FRMPD4: variants seen among roughly 807,000 people sequenced by gnomAD.
FRMPD4 encodes FERM and PDZ domain-containing protein 4.
Under a neutral mutation model 94.1 loss-of-function variants are expected in FRMPD4, and 22 were observed. That is an observed-to-expected ratio of 0.23 (90% confidence interval 0.17 to 0.33). The LOEUF (loss-of-function observed/expected upper bound fraction) is 0.33. FRMPD4 is among the 10% of genes least tolerant of loss of function. The pLI is 1.00. For missense variants in FRMPD4, 1,111 were observed against 1,339.9 expected (o/e 0.83, Z 2.67); for synonymous variants, 631 against 548.6 (o/e 1.15, Z -2.10).
intron 1 of FRMPD4, among the ~76,000 whole-genome samples, chrX:12,145,922 A>G (rs1209851521): frequency 8.9e-6 from 1 of 111,897 alleles, no homozygotes; most frequent in Non-Finnish European, 1.9e-5. Context: ...AGCACTTACA[A>G]TACCACTTGT....
At chrX:12,711,682 G>A (rs1005231290) in intron 14 of FRMPD4, among the ~76,000 whole-genome samples, 3 of 110,368 alleles carry the variant, frequency 2.7e-5, no homozygotes, top group African/African-American at 9.9e-5. Flanking sequence ...TCCATAATTG[G>A]GGTTTCTTTT....
At chrX:12,605,341 G>T (rs1206439378) in intron 2 of FRMPD4, among the ~76,000 whole-genome samples, 2 of 112,000 alleles carry the variant, frequency 1.8e-5, no homozygotes, top group Non-Finnish European at 3.8e-5. Context: ...GCAGGAAAAT[G>T]GTTCCAGAGT....
intron 1 of FRMPD4, among the ~76,000 whole-genome samples, chrX:12,384,805 A>G (rs2056375376): frequency 8.9e-6 from 1 of 112,427 alleles, no homozygotes; most frequent in African/African-American, 3.2e-5. Flanking sequence ...TTGCCAGAGG[A>G]CATCCCAGAG....
At chrX:12,715,247 TA>T (rs2042057493) in intron 14 of FRMPD4, among the ~76,000 whole-genome samples, 1 of 112,283 alleles carries the variant, frequency 8.9e-6, no homozygotes, top group African/African-American at 3.2e-5. Flanking sequence ...AAAATAATAG[TA>T]TTTAAATTGG....
intron 1 of FRMPD4, among the ~76,000 whole-genome samples, chrX:12,175,660 C>G (rs2056285153): frequency 8.9e-6 from 1 of 111,876 alleles, no homozygotes; most frequent in African/African-American, 3.3e-5. Flanking sequence ...ATTATAGGCG[C>G]CTGCCATCAT....
chrX:12,372,340 A>T (rs2056174202), intron 1 of FRMPD4, among the ~76,000 whole-genome samples: 1 of 113,271 alleles, frequency 8.8e-6, no homozygotes, highest in Non-Finnish European at 1.9e-5. Flanking sequence ...GAATCTTAAA[A>T]ATCCTGATAC....
At chrX:12,634,606 T>A (rs984694233) in intron 4 of FRMPD4, among the ~76,000 whole-genome samples, 4 of 111,286 alleles carry the variant, frequency 3.6e-5, no homozygotes, top group Non-Finnish European at 3.8e-5. Flanking sequence ...ACTCTTAGGA[T>A]TTATAATAAA....
chrX:11,967,734 A>ATGTGTG (rs1169732749), intron 3 of FRMPD4, among the ~76,000 whole-genome samples: 2 of 90,505 alleles, frequency 2.2e-5, no homozygotes, highest in Admixed American at 1.3e-4. Context: ...TTCTAGGCAG[A>ATGTGTG]TGTGTGTGTG....
intron 1 of FRMPD4, among the ~76,000 whole-genome samples, chrX:12,453,875 C>T (rs1490311020): frequency 3.6e-5 from 4 of 112,072 alleles, no homozygotes; most frequent in African/African-American, 1.3e-4. Flanking sequence ...TAATGTTCTA[C>T]GCTCCTCAAT....
chrX:12,570,494 T>C (rs1189611578), intron 2 of FRMPD4, among the ~76,000 whole-genome samples: 1 of 109,730 alleles, frequency 9.1e-6, no homozygotes, highest in Non-Finnish European at 1.9e-5. Context: ...TTAGTAGAGA[T>C]GGGGTTTCAC....
chrX:11,885,239 C>T (rs773311509), intron 3 of FRMPD4, among the ~76,000 whole-genome samples: 7 of 111,620 alleles, frequency 6.3e-5, no homozygotes, highest in African/African-American at 2.3e-4. Context: ...ATGGATGAAC[C>T]TTCAGGATAT....
rs750580451 is a variant in FRMPD4, at chrX:12,227,824, GGAGA to G, written c.41+88839_41+88842del. On this transcript the variant is annotated intron_variant, in intron 1 of 16. Transcript: ENST00000675598. ...TTAAAGAAAAAAAAGAGAAAGAGAG[GGAGA>G]GAGAGAGAGAGAGAGAGAGAGAGAG... 7.0e-3 allele frequency among the ~76,000 whole-genome samples: 663 copies of G among 94,534 alleles called. 2 individuals carry two copies. The highest frequency in any genetic ancestry group is 7.6e-3 in the Non-Finnish European group (354 of 46,504). 82.1% of individuals were successfully genotyped at this position (94,534 alleles called of 115,157 possible).
At chrX:12,441,874 A>T (rs1182468889) in intron 1 of FRMPD4, among the ~76,000 whole-genome samples, 1 of 111,530 alleles carries the variant, frequency 9.0e-6, no homozygotes, top group Non-Finnish European at 1.9e-5. Context: ...GAAACTGACC[A>T]CTAGGGAGCA....
At chrX:12,072,797 A>G (rs2054980414) in intron 3 of FRMPD4, among the ~76,000 whole-genome samples, 1 of 111,351 alleles carries the variant, frequency 9.0e-6, no homozygotes, top group African/African-American at 3.3e-5. Context: ...TGTTACAAGT[A>G]TTGCTTTTTA....
chrX:12,161,812 A>G (rs1256874205), intron 1 of FRMPD4, among the ~76,000 whole-genome samples: 1 of 112,143 alleles, frequency 8.9e-6, no homozygotes, highest in African/African-American at 3.2e-5. Context: ...TTCTAGAGCT[A>G]TAGAATTAAA....
At chrX:12,581,068 C>T (rs1329764559) in intron 2 of FRMPD4, among the ~76,000 whole-genome samples, 1 of 112,504 alleles carries the variant, frequency 8.9e-6, no homozygotes, top group Non-Finnish European at 1.9e-5. Context: ...TGGCTAACTC[C>T]TGAACCACAC....
chrX:12,711,925 A>C (rs1177529506), intron 14 of FRMPD4, among the ~76,000 whole-genome samples: 1 of 111,308 alleles, frequency 9.0e-6, no homozygotes, highest in Non-Finnish European at 1.9e-5. Flanking sequence ...ACTCACACAC[A>C]GTTTATTATG....
At chrX:12,518,819 G>A (rs756133630) in intron 2 of FRMPD4, among the ~76,000 whole-genome samples, 51 of 103,232 alleles carry the variant, frequency 4.9e-4, no homozygotes, top group African/African-American at 1.4e-3. Context: ...AATTACGTGC[G>A]CGCGTGCACA....
At chrX:12,320,073 G>A (rs184630089) in intron 1 of FRMPD4, among the ~76,000 whole-genome samples, 30 of 111,908 alleles carry the variant, frequency 2.7e-4, no homozygotes, top group Admixed American at 7.6e-4. Flanking sequence ...ACCTTTATCA[G>A]CATTTATAAA....
Sources: allele counts gnomAD v4.1 joint callset (sites outside exome capture counted in the v4.1 genomes callset), GRCh38; gene constraint gnomAD v4.1.1; transcripts MANE v1.5; gene names NCBI Gene and HGNC (gene_info 2026-07-23, HGNC 2026-07-21).